SLC15A4: variants seen among roughly 807,000 people sequenced by gnomAD.
The protein encoded by SLC15A4 is solute carrier family 15 member 4.
SLC15A4 carries 26 observed loss-of-function variants against 46.1 expected under a neutral mutation model. The observed-to-expected ratio is 0.56, with a 90% CI of 0.41 to 0.78. The LOEUF is 0.78. SLC15A4 is among the 30% of genes least tolerant of loss of function. SLC15A4 has a pLI of 0.00. For synonymous variants in SLC15A4, 370 were observed against 333.4 expected (o/e 1.11, Z -1.20); for missense variants, 751 against 755.7 (o/e 0.99, Z 0.07).
intron 1 of SLC15A4, among the ~76,000 whole-genome samples, chr12:128,820,573 A>T (rs1299967671): frequency 6.6e-6 from 1 of 152,232 alleles, no homozygotes; most frequent in Non-Finnish European, 1.5e-5. Context: ...GTCACATACA[A>T]GCTGTGTAAC....
Position 128,809,974 on chromosome 12 carries a change from G to T in SLC15A4, c.980C>A (p.Ala327Asp). 1 of 1,614,090 alleles carries T rather than the reference G, an allele frequency of 6.2e-7. No homozygotes were observed. Among genetic ancestry groups the T allele is most frequent in the African/African-American group, 1.3e-5 (1 of 75,040 alleles). The change falls in exon 3 of 8, where the codon GCT (alanine) becomes GAT (aspartate). Residue 327 changes from alanine (A) to aspartate (D), a missense_variant. By Grantham distance (126) the Ala-to-Asp change is moderately radical (BLOSUM62 -2). Transcript: ENST00000266771. The stretch of plus-strand genomic sequence containing the variant: ...ATACACTGTCCAGTAAGGTATCAAA[G>T]CCAAGAAAACAGGGACAATCTTGAC... The part of the protein sequence containing the change: ...ALVKIVPVFL[A>D]LIPYWTVYFQ...
At chr12:128,822,799 G>A (rs1486860196) in intron 1 of SLC15A4, among the ~76,000 whole-genome samples, 1 of 152,130 alleles carries the variant, frequency 6.6e-6, no homozygotes, top group Non-Finnish European at 1.5e-5. Context: ...GCCTCCCAAA[G>A]TGTTGGGATT....
intron 7 of SLC15A4, 85 bp from the exon 8 acceptor site, chr12:128,794,441 C>T (rs1955422603): frequency 7.4e-7 from 1 of 1,348,302 alleles, no homozygotes. Context: ...CTGGTTCCCA[C>T]TAAGGTTTAA....
At chr12:128,809,017 A>G in intron 4 of SLC15A4, 61 bp from the exon 5 acceptor site, 1 of 1,486,538 alleles carries the variant, frequency 6.7e-7, no homozygotes, top group Non-Finnish European at 9.2e-7. Flanking sequence ...ACCTGTCTAG[A>G]GAACCAACGT....
At chr12:128,803,815 C>T (rs1955546882) in intron 5 of SLC15A4, among the ~76,000 whole-genome samples, 1 of 152,040 alleles carries the variant, frequency 6.6e-6, no homozygotes, top group Admixed American at 6.5e-5. Flanking sequence ...TTGAGGCCTA[C>T]AACATGTCCG....
At chr12:128,801,091 C>G in intron 5 of SLC15A4, 82 bp from the exon 6 acceptor site, 2 of 1,310,814 alleles carry the variant, frequency 1.5e-6, no homozygotes, top group East Asian at 2.4e-5. Flanking sequence ...GGCTACGAGA[C>G]TTCGTAGCAA....
At chr12:128,800,423 G>A (rs924509343) in intron 6 of SLC15A4, among the ~76,000 whole-genome samples, 7 of 152,142 alleles carry the variant, frequency 4.6e-5, no homozygotes, top group African/African-American at 1.7e-4. Flanking sequence ...AACCACTGCA[G>A]GATCTCACTA....
Position 128,800,962 on chromosome 12 carries a change from T to G in SLC15A4, c.1306A>C (p.Asn436His). The G allele has an allele frequency of 6.2e-7, 1 of 1,614,000 alleles. No individual in the cohort carries two copies. The highest frequency in any genetic ancestry group is 8.5e-7 in the Non-Finnish European group (1 of 1,179,970). ...TAGACGACGTTGCCGATGGTCTGAT[T>G]AATGGTTTTCTCTTTAACAAGGTTC... Reference protein sequence around the residue: ...RLNLVKEKTINQTIGNVVYHA... With the variant: ...RLNLVKEKTIHQTIGNVVYHA... Residue 436 changes from asparagine to histidine, a missense_variant, in exon 6 of 8, where the codon AAT becomes CAT. By Grantham distance (68) the Asn-to-His change is moderately conservative. Transcript: ENST00000266771.
chr12:128,820,817 TAA>T (rs1376521333), intron 1 of SLC15A4, among the ~76,000 whole-genome samples: 1 of 152,238 alleles, frequency 6.6e-6, no homozygotes, highest in African/African-American at 2.4e-5. Context: ...GGCAAAAGCC[TAA>T]GAGTCGCCTT....
rs575976858 is a variant in SLC15A4, at chr12:128,794,561, G to A, written c.1574-205C>T. ...CCCTGAAGTCAGATACATCGCCACC[G>A]GGGGCTCTGGAGGTGGGCTGTCTGC... On this transcript the variant is annotated intron_variant, in intron 7 of 7. Coordinates refer to ENST00000266771, the MANE Select transcript of SLC15A4 (RefSeq NM_145648.4). 2.3e-3 allele frequency among the ~76,000 whole-genome samples: 357 copies of A among 152,314 alleles called. 1 individual carries two copies. Among genetic ancestry groups the A allele is most frequent in the Admixed American group, 4.5e-3 (69 of 15,306 alleles).
rs1171866394 is a variant in SLC15A4 at position 128,823,894 on chromosome 12, G to A, written c.50C>T (p.Ala17Val). ...GAGERAPLLG[A>V]RRAAAAAAAA... ...CGCCGCGGCCGCCGCCGCCCGCCGCGCGCCCAGCAGCGGCGCCCGCTCGCC... is the reference window on the plus strand; with the variant it reads ...CGCCGCGGCCGCCGCCGCCCGCCGCACGCCCAGCAGCGGCGCCCGCTCGCC... Residue 17 changes from alanine (A) to valine (V), a missense_variant, in exon 1 of 8, where the codon GCG (alanine) becomes GTG (valine). Physicochemically the swap from Ala to Val is moderately conservative, Grantham distance 64. Coordinates refer to ENST00000266771, the MANE Select transcript of SLC15A4 (RefSeq NM_145648.4). The A allele has an allele frequency of 4.4e-6, 4 of 917,798 alleles. No homozygotes were observed. Among genetic ancestry groups the A allele is most frequent in the Non-Finnish European group, 3.9e-6 (3 of 770,972 alleles). The allele number at this position is 917,798 out of a possible 1,614,324, so 56.9% of individuals were successfully genotyped here. A position where few individuals can be genotyped will look rare whatever the true frequency, so the allele number is the denominator to read the frequency against.
intron 5 of SLC15A4, among the ~76,000 whole-genome samples, chr12:128,802,070 C>T (rs1955524223): frequency 6.6e-6 from 1 of 152,164 alleles, no homozygotes; most frequent in African/African-American, 2.4e-5. Context: ...AGCTTACTTC[C>T]ATCAGAAAAC....
chr12:128,822,942 G>GT (rs1955870186), intron 1 of SLC15A4, among the ~76,000 whole-genome samples: 2 of 152,206 alleles, frequency 1.3e-5, no homozygotes, highest in Non-Finnish European at 1.5e-5. Context: ...TCCGAAACTC[G>GT]TAGGCTCAAG....
At chr12:128,801,782 T>C (rs996585858) in intron 5 of SLC15A4, 2 of 152,204 alleles carry the variant, frequency 1.3e-5, no homozygotes, top group African/African-American at 4.8e-5. Flanking sequence ...AGAATTCTTA[T>C]TGCAAATTAG....
At chr12:128,822,586 G>A (rs1955861593) in intron 1 of SLC15A4, among the ~76,000 whole-genome samples, 1 of 152,142 alleles carries the variant, frequency 6.6e-6, no homozygotes. Context: ...GTCTCGCTCT[G>A]TCGCTCAGGC....
intron 1 of SLC15A4, among the ~76,000 whole-genome samples, chr12:128,820,309 C>G (rs1955815214): frequency 6.6e-6 from 1 of 152,192 alleles, no homozygotes; most frequent in Admixed American, 6.5e-5. Flanking sequence ...TCACTACCTA[C>G]AGGCAGTAAG....
At chr12:128,819,278 C>A (rs993414193) in intron 1 of SLC15A4, among the ~76,000 whole-genome samples, 3 of 152,130 alleles carry the variant, frequency 2.0e-5, no homozygotes, top group African/African-American at 7.2e-5. Context: ...GTGGCTCACA[C>A]CTGTAGTCCC....
In SLC15A4 at chr12:128,794,279, G is replaced by C; in HGVS notation, c.1651C>G (p.Leu551Val). 1 of 1,613,906 alleles carries C rather than the reference G, an allele frequency of 6.2e-7. No homozygotes were observed. ...AIQGATLLLF[L>V]IISVKYDHHR... ...TGGTCATATTTCACAGAAATAATGA[G>C]GAAAAGCAGGAGGGTAGCTCCTTGA... Residue 551 changes from leucine to valine, a missense_variant, in exon 8 of 8, where the codon CTC (leucine) becomes GTC (valine). Coordinates refer to ENST00000266771, the MANE Select transcript of SLC15A4 (RefSeq NM_145648.4).
chr12:128,816,829 G>GA (rs765517681), intron 1 of SLC15A4, among the ~76,000 whole-genome samples: 6 of 149,544 alleles, frequency 4.0e-5, no homozygotes, highest in African/African-American at 9.8e-5. Context: ...TGTCTCAAAA[G>GA]AAAAAAAAAG....
Sources: gnomAD v4.1 joint callset for allele counts (sites outside exome capture counted in the v4.1 genomes callset) on GRCh38, gnomAD v4.1.1 for gene constraint, MANE v1.5 for transcripts, NCBI Gene and HGNC (gene_info 2026-07-23, HGNC 2026-07-21) for gene names.